DCC: variants seen among roughly 807,000 people sequenced by gnomAD.
DCC encodes DCC netrin 1 receptor, also known as netrin receptor DCC.
A neutral mutation model predicts 172.5 loss-of-function variants in DCC; 58 were observed. That is an observed-to-expected ratio of 0.34 (90% CI 0.27 to 0.42). The LOEUF is 0.42. DCC is among the 10% of genes least tolerant of loss of function. The pLI is 1.00. For synonymous variants in DCC, 709 were observed against 644.5 expected (o/e 1.10, Z -1.52); for missense variants, 1,740 against 1,791.0 (o/e 0.97, Z 0.51).
intron 15 of DCC, among the ~76,000 whole-genome samples, chr18:53,384,535 TTTG>T (rs764430898): frequency 1.3e-5 from 2 of 152,168 alleles, no homozygotes; most frequent in African/African-American, 4.8e-5. Context: ...CTTAATTTCT[TTTG>T]TTATGTTTTT....
intron 15 of DCC, among the ~76,000 whole-genome samples, chr18:53,356,150 G>A (rs1478505396): frequency 6.6e-6 from 1 of 151,968 alleles, no homozygotes; most frequent in Non-Finnish European, 1.5e-5. Flanking sequence ...AAATTCCTGG[G>A]CTCAAGCAAT....
intron 24 of DCC, among the ~76,000 whole-genome samples, chr18:53,464,884 CAGG>C (rs2045600082): frequency 2.1e-5 from 3 of 146,050 alleles, no homozygotes; most frequent in African/African-American, 7.7e-5. Context: ...GAGGCTGAAG[CAGG>C]AGAATTGCTT....
At chr18:53,516,581 A>G (rs1197721809) in intron 27 of DCC, among the ~76,000 whole-genome samples, 1 of 151,398 alleles carries the variant, frequency 6.6e-6, no homozygotes, top group African/African-American at 2.5e-5. Flanking sequence ...CAGAATCTAC[A>G]ATGAATGCAA....
intron 2 of DCC, among the ~76,000 whole-genome samples, chr18:52,857,206 G>A (rs1055570265): frequency 6.6e-6 from 1 of 152,194 alleles, no homozygotes; most frequent in Non-Finnish European, 1.5e-5. Flanking sequence ...GCCTAATGGC[G>A]TGAATCTGAG....
chr18:53,377,187 T>A (rs1907353555), intron 15 of DCC, among the ~76,000 whole-genome samples: 3 of 152,196 alleles, frequency 2.0e-5, no homozygotes, highest in African/African-American at 7.2e-5. Flanking sequence ...TTTTGTGATG[T>A]TATAACAGAA....
At chr18:52,676,469 A>G (rs986011046) in intron 1 of DCC, among the ~76,000 whole-genome samples, 3 of 152,168 alleles carry the variant, frequency 2.0e-5, no homozygotes, top group African/African-American at 7.2e-5. Flanking sequence ...GATGTAAATG[A>G]CTTGTACCCA....
chr18:52,986,806 GTATA>G (rs569680796), intron 5 of DCC, among the ~76,000 whole-genome samples: 2,059 of 149,000 alleles, frequency 0.014, 54 homozygotes, highest in African/African-American at 0.049. Flanking sequence ...CACACGTGTA[GTATA>G]TATATACACA....
intron 15 of DCC, among the ~76,000 whole-genome samples, chr18:53,366,120 G>A (rs929728760): frequency 1.1e-4 from 17 of 151,806 alleles, no homozygotes; most frequent in African/African-American, 2.2e-4. Context: ...GCAGTGGCGC[G>A]ATCTTGGCTC....
chr18:52,957,836 C>T (rs1182854858), intron 5 of DCC, among the ~76,000 whole-genome samples: 2 of 152,156 alleles, frequency 1.3e-5, no homozygotes, highest in African/African-American at 4.8e-5. Flanking sequence ...AGCAAGAACA[C>T]ACCCACAGAG....
In DCC at chr18:53,496,751, T is replaced by C. The variant is rs142763841; in HGVS notation, c.3899-2547T>C. 7.8e-4 allele frequency among the ~76,000 whole-genome samples: 119 copies of C among 152,306 alleles called. 2 individuals carry two copies. The East Asian group carries it at 0.02, about 26-fold the overall frequency. The stretch of plus-strand genomic sequence containing the variant: ...AACCTTGAGAAAAGGTTAGATGAAT[T>C]GCTATCTAGAATAACCAGTTTAGAG... On this transcript the variant is annotated intron_variant, in intron 26 of 28. Coordinates refer to ENST00000442544, the MANE Select transcript of DCC (RefSeq NM_005215.4).
At chr18:52,581,213 T>C (rs1256911518) in intron 1 of DCC, among the ~76,000 whole-genome samples, 1 of 1,550 alleles carries the variant, frequency 6.5e-4, no homozygotes, top group African/African-American at 8.9e-4. Context: ...CTATCTAAAT[T>C]TGTAGTTTCT....
At chr18:53,447,086 A>G (rs1912657806) in intron 22 of DCC, among the ~76,000 whole-genome samples, 2 of 152,244 alleles carry the variant, frequency 1.3e-5, no homozygotes, top group African/African-American at 4.8e-5. Flanking sequence ...CAAAAAACAA[A>G]GTGTATATTA....
At chr18:53,307,007 C>A (rs1172913670) in intron 13 of DCC, among the ~76,000 whole-genome samples, 1 of 152,222 alleles carries the variant, frequency 6.6e-6, no homozygotes, top group African/African-American at 2.4e-5. Context: ...GCCAGATACT[C>A]AGCGAATTTC....
At chr18:52,562,140 T>C (rs989943176) in intron 1 of DCC, among the ~76,000 whole-genome samples, 4 of 152,116 alleles carry the variant, frequency 2.6e-5, no homozygotes, top group Non-Finnish European at 5.9e-5. Flanking sequence ...CAAAATGGGA[T>C]GGTGTTGAGC....
At chr18:52,942,996 TAATA>T (rs1390451578) in intron 5 of DCC, among the ~76,000 whole-genome samples, 5 of 152,244 alleles carry the variant, frequency 3.3e-5, no homozygotes, top group African/African-American at 1.2e-4. Context: ...ATAAAATACT[TAATA>T]AAATGCCTGC....
intron 2 of DCC, among the ~76,000 whole-genome samples, chr18:52,784,327 A>G (rs2037611475): frequency 6.6e-6 from 1 of 152,062 alleles, no homozygotes; most frequent in African/African-American, 2.4e-5. Flanking sequence ...CTCGATGGGT[A>G]CTTAGATTCC....
intron 19 of DCC, among the ~76,000 whole-genome samples, chr18:53,404,694 G>A (rs996559044): frequency 1.9e-4 from 29 of 151,520 alleles, no homozygotes; most frequent in African/African-American, 6.5e-4. Context: ...TCGCGCTACT[G>A]CACTCCAGCC....
intron 1 of DCC, among the ~76,000 whole-genome samples, chr18:52,411,159 A>G (rs1166072805): frequency 6.6e-6 from 1 of 152,114 alleles, no homozygotes; most frequent in Non-Finnish European, 1.5e-5. Context: ...TACGGTTTGC[A>G]TGCAACATTC....
At chr18:52,970,877 A>C (rs2041018224) in intron 5 of DCC, among the ~76,000 whole-genome samples, 1 of 152,196 alleles carries the variant, frequency 6.6e-6, no homozygotes, top group South Asian at 2.1e-4. Context: ...ACCGCTGTGC[A>C]GAGAAAGATC....
Sources: allele counts gnomAD v4.1 joint callset (sites outside exome capture counted in the v4.1 genomes callset), GRCh38; gene constraint gnomAD v4.1.1; transcripts MANE v1.5; gene names NCBI Gene and HGNC (gene_info 2026-07-23, HGNC 2026-07-21).